The following FBRSL1 variants were observed in gnomAD, a reference collection of about 807,000 sequenced individuals.
The protein encoded by FBRSL1 is fibrosin like 1.
Under a neutral mutation model 89.6 loss-of-function variants are expected in FBRSL1, and 51 were observed. The ratio of observed to expected loss-of-function variants is 0.57; its 90% CI spans 0.45 to 0.72. FBRSL1 has a LOEUF of 0.72. Among genes scored for constraint, FBRSL1 ranks in the 30% least tolerant of loss-of-function variants. FBRSL1 has a pLI of 0.00. For synonymous variants in FBRSL1, 779 were observed against 681.1 expected, an observed-to-expected ratio of 1.14 and a Z score of -2.24; for missense variants, 1,618 against 1,451.8, an observed-to-expected ratio of 1.11 and a Z score of -1.86.
intron 5 of FBRSL1, among the ~76,000 whole-genome samples, chr12:132,558,571 T>C (rs539844542): frequency 1.7e-4 from 26 of 152,312 alleles, no homozygotes; most frequent in African/African-American, 5.8e-4. Context: ...TGGTAAGTAG[T>C]TCAAATAGAA....
At chr12:132,518,185 C>T (rs2035014254) in intron 2 of FBRSL1, among the ~76,000 whole-genome samples, 1 of 152,188 alleles carries the variant, frequency 6.6e-6, no homozygotes, top group Non-Finnish European at 1.5e-5. Flanking sequence ...TTAACTCAGC[C>T]AGCATCCCTC....
chr12:132,575,166 A>T (rs1336075176), intron 14 of FBRSL1, among the ~76,000 whole-genome samples: 1 of 152,184 alleles, frequency 6.6e-6, no homozygotes, highest in East Asian at 1.9e-4. Flanking sequence ...ACCTCCGCAC[A>T]CAACTCTGAA....
intron 1 of FBRSL1, among the ~76,000 whole-genome samples, chr12:132,504,523 A>C (rs1025073408): frequency 6.6e-6 from 1 of 151,956 alleles, no homozygotes; most frequent in Non-Finnish European, 1.5e-5. Context: ...TTGCGCAGGG[A>C]GGGCCTCCAC....
intron 14 of FBRSL1, among the ~76,000 whole-genome samples, chr12:132,575,309 G>C (rs948271097): frequency 6.6e-6 from 1 of 152,144 alleles, no homozygotes; most frequent in Non-Finnish European, 1.5e-5. Flanking sequence ...CTCACTGCAA[G>C]CTCCGCCTCC....
intron 5 of FBRSL1, among the ~76,000 whole-genome samples, chr12:132,559,627 CCTG>C (rs1593491633): frequency 6.6e-6 from 1 of 152,176 alleles, no homozygotes; most frequent in Non-Finnish European, 1.5e-5. Flanking sequence ...GTCTCGAACT[CCTG>C]GGCTCAAGTG....
intron 5 of FBRSL1, among the ~76,000 whole-genome samples, chr12:132,549,074 C>T (rs754015098): frequency 6.6e-6 from 1 of 152,014 alleles, no homozygotes; most frequent in Non-Finnish European, 1.5e-5. Flanking sequence ...GAGTCAGTGG[C>T]GGTGGCCGGG....
chr12:132,555,378 GCGTGAGCGTGGCCTCCACGGTAGCCGCCC>G, intron 5 of FBRSL1, among the ~76,000 whole-genome samples: 2 of 148,378 alleles, frequency 1.3e-5, no homozygotes, highest in South Asian at 2.1e-4. Context: ...CCCCACCCGA[GCGTGAGCGTGGCCTCCACGGTAGCCGCCC>G]CACCCGAGCG....
chr12:132,568,294 A>T (rs150118013), intron 6 of FBRSL1, among the ~76,000 whole-genome samples: 1 of 152,326 alleles, frequency 6.6e-6, no homozygotes, highest in East Asian at 1.9e-4. Context: ...CTTCATCCGG[A>T]TGTGATTGGA....
intron 14 of FBRSL1, among the ~76,000 whole-genome samples, chr12:132,574,766 C>G (rs971821464): frequency 2.0e-5 from 3 of 152,042 alleles, no homozygotes; most frequent in African/African-American, 7.2e-5. Flanking sequence ...TGCTGGGTGC[C>G]CGGGTGCCGC....
chr12:132,580,775 C>T (rs1342330266), intron 15 of FBRSL1: 12 of 985,312 alleles, frequency 1.2e-5, no homozygotes, highest in Non-Finnish European at 1.4e-5. Flanking sequence ...CTAAAGATGA[C>T]GCCCTGCTGG....
intron 2 of FBRSL1, chr12:132,509,558 C>T (rs989869152): frequency 3.2e-5 from 40 of 1,232,672 alleles, no homozygotes; most frequent in Non-Finnish European, 3.7e-5. Flanking sequence ...GCCTGCGGTC[C>T]CTGCTGACCC....
chr12:132,572,529 C>T lies in FBRSL1; in HGVS notation c.1437C>T (p.Phe479=), dbSNP rs940833572. ...SPYFRHSSVS[F]FPSFPPAIPG... ...CATCCGCTCTCCTTCTCTTACAGTTCTTCCCGTCCTTCCCTCCTGCCATCC... is the reference window on the plus strand; with the variant it reads ...CATCCGCTCTCCTTCTCTTACAGTTTTTCCCGTCCTTCCCTCCTGCCATCC... Residue 479 remains phenylalanine (F), a splice_region_variant and synonymous_variant, in exon 11 of 19, where the codon TTC becomes TTT. Coordinates refer to ENST00000680143, the MANE Select transcript of FBRSL1 (RefSeq NM_001367871.1). The T allele has an allele frequency of 8.4e-6, 13 of 1,550,536 alleles. No homozygotes were observed. Among genetic ancestry groups the T allele is most frequent in the African/African-American group, 1.4e-5 (1 of 73,038 alleles).
Position 132,509,492 on chromosome 12 carries a change from G to A in FBRSL1, c.489+1142G>A, listed in dbSNP as rs1012249421. 4.6e-5 allele frequency: 57 copies of A among 1,238,028 alleles called. No individual in the cohort carries two copies. In the East Asian group the frequency reaches 1.3e-3, roughly 27 times the overall value. 76.7% of individuals were successfully genotyped at this position (1,238,028 alleles called of 1,614,324 possible). A position where few individuals can be genotyped will look rare whatever the true frequency, so the allele number is the denominator to read the frequency against. On this transcript the variant is annotated intron_variant, in intron 2 of 18. Transcript: ENST00000680143. ...TCTGCCAGCCCCAGCGGTCACGCCCGGCCCAGCCCTGCCGGCCGCATTGGG... is the reference window on the plus strand; with the variant it reads ...TCTGCCAGCCCCAGCGGTCACGCCCAGCCCAGCCCTGCCGGCCGCATTGGG...
chr12:132,570,192 G>A lies in FBRSL1; in HGVS notation c.958G>A (p.Ala320Thr), dbSNP rs965411150. The A allele has an allele frequency of 3.3e-5, 50 of 1,504,138 alleles. No homozygotes were observed. Among genetic ancestry groups the A allele is most frequent in the East Asian group, 1.6e-4 (6 of 37,964 alleles). 93.2% of individuals were successfully genotyped at this position (1,504,138 alleles called of 1,614,324 possible). The change falls in exon 7 of 19, where the codon GCC becomes ACC. Residue 320 changes from alanine to threonine, a missense_variant. By Grantham distance (58) the Ala-to-Thr change is moderately conservative. Coordinates refer to ENST00000680143, the MANE Select transcript of FBRSL1 (RefSeq NM_001367871.1). Reference protein sequence around the residue: ...LPTHVPASLGAFAGHSQAAAN... With the variant: ...LPTHVPASLGTFAGHSQAAAN... ...GACACACGTGCCTGCATCCCTGGGC[G>A]CCTTCGCGGGCCACAGCCAGGCGGC... is the stretch of plus-strand genomic sequence containing the variant.
At chr12:132,574,372 G>A (rs1055672717) in intron 13 of FBRSL1, 24 bp downstream of exon 13, 13 of 1,549,886 alleles carry the variant, frequency 8.4e-6, no homozygotes, top group Admixed American at 2.0e-5. Context: ...GGGAAGGCCC[G>A]TGGCAAGGGA....
chr12:132,512,807 T>C (rs957371863), intron 2 of FBRSL1, among the ~76,000 whole-genome samples: 1 of 152,194 alleles, frequency 6.6e-6, no homozygotes, highest in Admixed American at 6.5e-5. Flanking sequence ...AGCTGGAAAC[T>C]GCAGCCTGGG....
rs1198736916 is a variant in FBRSL1, at chr12:132,584,527, G to A, written c.*749G>A. Reference sequence around the variant, plus strand: ...TGTAAACATTATCAGAAGTTTAATGGCAGCAACTTTCCTTCAACTATGCAA... The same window carrying A: ...TGTAAACATTATCAGAAGTTTAATGACAGCAACTTTCCTTCAACTATGCAA... On this transcript the variant is annotated 3_prime_UTR_variant, in exon 19 of 19. Transcript: ENST00000680143. The A allele has an allele frequency of 6.6e-6, 1 of 152,226 alleles. No homozygotes were observed. The highest frequency in any genetic ancestry group is 1.5e-5 in the Non-Finnish European group (1 of 68,052). 9.4% of individuals were successfully genotyped at this position (152,226 alleles called of 1,614,324 possible).
intron 1 of FBRSL1, among the ~76,000 whole-genome samples, chr12:132,504,872 G>A (rs558969586): frequency 5.4e-4 from 82 of 152,322 alleles, no homozygotes; most frequent in Non-Finnish European, 1.0e-3. Flanking sequence ...GCTCACGCCT[G>A]TAATCCCAGC....
chr12:132,581,851 C>T (rs1159217212), intron 17 of FBRSL1, 27 bp downstream of exon 17: 3 of 1,503,224 alleles, frequency 2.0e-6, no homozygotes, highest in South Asian at 1.3e-5. Context: ...GTGCCCCCCT[C>T]CCCCGATGCC....
Sources: gnomAD v4.1 joint callset for allele counts (sites outside exome capture counted in the v4.1 genomes callset) on GRCh38, gnomAD v4.1.1 for gene constraint, MANE v1.5 for transcripts, NCBI Gene and HGNC (gene_info 2026-07-23, HGNC 2026-07-21) for gene names.